LEKR1: variants seen among roughly 807,000 people sequenced by gnomAD.
LEKR1 encodes the protein leucine, glutamate and lysine rich 1.
A neutral mutation model predicts 72.4 loss-of-function variants in LEKR1; 59 were observed. The ratio of observed to expected loss-of-function variants is 0.82; its 90% confidence interval spans 0.66 to 1.01. The LOEUF (loss-of-function observed/expected upper bound fraction) is 1.01. LEKR1 is among the 50% of genes least tolerant of loss of function. The probability of loss-of-function intolerance (pLI) is 0.00; values close to 1 mark genes in which losing one functional copy is unlikely to be tolerated. For synonymous variants in LEKR1, 257 were observed against 263.2 expected (o/e 0.98, Z 0.23); for missense variants, 728 against 759.2 (o/e 0.96, Z 0.48).
chr3:156,845,106 A>G (rs891635514), intron 2 of LEKR1, among the ~76,000 whole-genome samples: 1 of 152,036 alleles, frequency 6.6e-6, no homozygotes, highest in Non-Finnish European at 1.5e-5. Context: ...AATGATGTTG[A>G]ATATCTTTTC....
rs528398105 is a variant in LEKR1 at position 156,942,025 on chromosome 3, C to T, written c.560-504C>T. Among the ~76,000 whole-genome samples the T allele has an allele frequency of 1.8e-4, 28 of 152,004 alleles. No homozygotes were observed. In the South Asian group the frequency reaches 5.2e-3, roughly 28 times the overall value. On this transcript the variant is annotated intron_variant, in intron 5 of 12. Coordinates refer to ENST00000356539, the MANE Select transcript of LEKR1 (RefSeq NM_001004316.3). Reference sequence around the variant, plus strand: ...AGATATTATTAACTAATGCTTTCTTCCCCTAAATTTATTAGTTTTAGACAC... The same window carrying T: ...AGATATTATTAACTAATGCTTTCTTTCCCTAAATTTATTAGTTTTAGACAC...
intron 1 of LEKR1, among the ~76,000 whole-genome samples, chr3:156,828,801 C>T (rs1047122036): frequency 6.6e-6 from 1 of 152,178 alleles, no homozygotes; most frequent in Admixed American, 6.5e-5. Context: ...GTTTGCATAT[C>T]ATATTTAATA....
At position 157,012,066 on chromosome 3, in the gene LEKR1, A is replaced by G. The variant is rs554620618; in HGVS notation, c.1203+560A>G. On this transcript the variant is annotated intron_variant, in intron 10 of 12. Transcript: ENST00000356539. ...TATAGTTTTCAAAGTTTCAACAATG[A>G]ATAGGTATTACTTTCATAATTTTAA... is the stretch of plus-strand genomic sequence containing the variant. 2.6e-5 allele frequency among the ~76,000 whole-genome samples: 4 copies of G among 152,244 alleles called. No homozygotes were observed. In the South Asian group the frequency reaches 8.3e-4, roughly 32 times the overall value.
intron 10 of LEKR1, among the ~76,000 whole-genome samples, chr3:157,015,142 T>A (rs1402543000): frequency 6.6e-6 from 1 of 152,126 alleles, no homozygotes; most frequent in Admixed American, 6.6e-5. Flanking sequence ...CAGGTCATGG[T>A]TCAGGGAGTG....
intron 3 of LEKR1, among the ~76,000 whole-genome samples, chr3:156,874,043 T>A (rs930380312): frequency 6.6e-6 from 1 of 152,150 alleles, no homozygotes; most frequent in Non-Finnish European, 1.5e-5. Flanking sequence ...CTAAATCTCT[T>A]GCTAGACTTG....
At chr3:156,935,732 C>T (rs943737168) in intron 5 of LEKR1, among the ~76,000 whole-genome samples, 6 of 152,150 alleles carry the variant, frequency 3.9e-5, no homozygotes, top group African/African-American at 9.7e-5. Context: ...TAGCCACCAA[C>T]CACATGGGGC....
At chr3:156,994,827 A>G (rs765419910) in intron 9 of LEKR1, among the ~76,000 whole-genome samples, 4 of 152,210 alleles carry the variant, frequency 2.6e-5, no homozygotes, top group Non-Finnish European at 5.9e-5. Context: ...TATTACCCAG[A>G]ATATCATATT....
rs1727143129 is a variant in LEKR1, at chr3:156,951,399, C to T, written c.745+8685C>T. Among the ~76,000 whole-genome samples the T allele has an allele frequency of 2.0e-5, 3 of 151,448 alleles. No homozygotes were observed. In the South Asian group the frequency reaches 6.2e-4, roughly 31 times the overall value. On this transcript the variant is annotated intron_variant, in intron 6 of 12. Coordinates refer to ENST00000356539, the MANE Select transcript of LEKR1 (RefSeq NM_001004316.3). ...TAAAATGAGTTGGGAAGTTCTTCCT[C>T]CTCGATTCTTTGGAATAGTTTCACT...
At position 156,852,771 on chromosome 3, in the gene LEKR1, T is replaced by C; in HGVS notation, c.52T>C (p.Leu18=). ...HALPEEIQKM[L]PEEKVCKYCG... is the part of the protein sequence containing the mutation. ...AAGTGTATGTTCTGTTTCCTAGATGTTGCCTGAAGAAAAAGTTTGTAAGTA... is the reference window on the plus strand; with the variant it reads ...AAGTGTATGTTCTGTTTCCTAGATGCTGCCTGAAGAAAAAGTTTGTAAGTA... The change falls in exon 3 of 13, where the codon TTG becomes CTG. Residue 18 remains leucine, a synonymous_variant. Transcript: ENST00000356539. The C allele has an allele frequency of 2.7e-6, 4 of 1,506,060 alleles. No individual in the cohort carries two copies. Among genetic ancestry groups the C allele is most frequent in the Non-Finnish European group, 3.5e-6 (4 of 1,129,026 alleles). 93.3% of individuals were successfully genotyped at this position (1,506,060 alleles called of 1,614,324 possible).
At chr3:156,893,864 G>A (rs1576760102) in intron 3 of LEKR1, among the ~76,000 whole-genome samples, 1 of 152,166 alleles carries the variant, frequency 6.6e-6, no homozygotes, top group South Asian at 2.1e-4. Flanking sequence ...TAGATCTGGG[G>A]CAGAAAATTG....
Position 157,045,418 on chromosome 3 carries a change from G to A in LEKR1, c.1747G>A (p.Glu583Lys), listed in dbSNP as rs1560168205. ...ELTEALSQAR[E>K]QLLELSKLRG... ...GACAGAGGCTTTGAGTCAAGCCAGAGAACAGCTCCTGGAGCTCAGTAAGCT... is the reference window on the plus strand; with the variant it reads ...GACAGAGGCTTTGAGTCAAGCCAGAAAACAGCTCCTGGAGCTCAGTAAGCT... Residue 583 changes from glutamate (E) to lysine (K), a missense_variant, in exon 13 of 13, where the codon GAA becomes AAA. By Grantham distance (56) the Glu-to-Lys change is moderately conservative. Transcript: ENST00000356539. 6.2e-7 allele frequency: 1 copy of A among 1,614,116 alleles called. No individual in the cohort carries two copies. The highest frequency in any genetic ancestry group is 1.7e-5 in the Admixed American group (1 of 59,996).
intron 2 of LEKR1, among the ~76,000 whole-genome samples, chr3:156,848,290 G>C (rs866956535): frequency 6.6e-6 from 1 of 152,148 alleles, no homozygotes; most frequent in African/African-American, 2.4e-5. Context: ...CATGCAGAGA[G>C]TAATAGGATA....
At chr3:157,008,615 G>A (rs1384329399) in intron 9 of LEKR1, among the ~76,000 whole-genome samples, 1 of 152,102 alleles carries the variant, frequency 6.6e-6, no homozygotes, top group Non-Finnish European at 1.5e-5. Flanking sequence ...CTCAACAAAT[G>A]AGGAATAGAA....
intron 3 of LEKR1, among the ~76,000 whole-genome samples, chr3:156,913,811 A>G (rs1723335259): frequency 6.6e-6 from 1 of 152,348 alleles, no homozygotes; most frequent in South Asian, 2.1e-4. Context: ...TCATCCCAGA[A>G]TAAATCTTGT....
intron 12 of LEKR1, among the ~76,000 whole-genome samples, chr3:157,033,116 C>T (rs756556136): frequency 3.9e-5 from 6 of 152,156 alleles, no homozygotes; most frequent in Non-Finnish European, 8.8e-5. Context: ...CTCCATCTCT[C>T]TTCTGCTCAG....
intron 9 of LEKR1, among the ~76,000 whole-genome samples, chr3:157,006,070 A>G (rs1428402866): frequency 2.0e-5 from 3 of 151,604 alleles, no homozygotes; most frequent in Admixed American, 6.6e-5. Flanking sequence ...CAGTGGCGCA[A>G]TCTCGGCTTA....
At chr3:156,977,440 C>T (rs888760571) in intron 6 of LEKR1, 1 of 502,838 alleles carries the variant, frequency 2.0e-6, no homozygotes, top group Admixed American at 2.2e-5. Flanking sequence ...TGTCACCCCC[C>T]CTTAATGAAC....
chr3:157,040,556 G>A (rs1045350553), intron 12 of LEKR1, among the ~76,000 whole-genome samples: 8 of 152,176 alleles, frequency 5.3e-5, no homozygotes, highest in African/African-American at 1.7e-4. Flanking sequence ...ACAGAAGCCT[G>A]GAAGCCTTTG....
chr3:157,023,289 G>T (rs1733965337), intron 10 of LEKR1, among the ~76,000 whole-genome samples: 1 of 152,114 alleles, frequency 6.6e-6, no homozygotes, highest in South Asian at 2.1e-4. Flanking sequence ...ACTCCCAGGA[G>T]TAAATGACTC....
Sources: gnomAD v4.1 joint callset for allele counts (sites outside exome capture counted in the v4.1 genomes callset) on GRCh38, gnomAD v4.1.1 for gene constraint, MANE v1.5 for transcripts, NCBI Gene and HGNC (gene_info 2026-07-23, HGNC 2026-07-21) for gene names.